The following LPCAT2 variants were observed in gnomAD, a reference collection of about 807,000 sequenced individuals.
The protein encoded by LPCAT2 is lysophosphatidylcholine acyltransferase 2.
In LPCAT2, 58 loss-of-function variants were observed where a neutral mutation model predicts 64.7. That is an observed-to-expected ratio of 0.90 (90% CI 0.73 to 1.12). The LOEUF is 1.12. LPCAT2 is among the 50% of genes most tolerant of loss of function. LPCAT2 has a pLI of 0.00. For missense variants in LPCAT2, 579 were observed against 669.8 expected, an observed-to-expected ratio of 0.86 and a Z score of 1.50; for synonymous variants, 252 against 245.3, an observed-to-expected ratio of 1.03 and a Z score of -0.26.
chr16:55,579,753 C>T lies in LPCAT2; in HGVS notation c.1450+509C>T, dbSNP rs114879718. The stretch of plus-strand genomic sequence containing the variant: ...GGCACCAACAATAATAGTAGCTAAA[C>T]GATTTATTGATGTTTACTATTAGTG... On this transcript the variant is annotated intron_variant, in intron 13 of 13. Transcript: ENST00000262134. Among the ~76,000 whole-genome samples, 651 of 152,252 alleles carry T rather than the reference C, an allele frequency of 4.3e-3. 2 individuals carry two copies. Among genetic ancestry groups the T allele is most frequent in the African/African-American group, 0.014 (601 of 41,556 alleles).
At chr16:55,531,684 T>G (rs1963254962) in intron 4 of LPCAT2, among the ~76,000 whole-genome samples, 2 of 152,210 alleles carry the variant, frequency 1.3e-5, no homozygotes, top group Non-Finnish European at 1.5e-5. Context: ...ATTTGTTAAG[T>G]ATATTCTTTA....
chr16:55,556,437 C>T (rs1963575296), intron 11 of LPCAT2, among the ~76,000 whole-genome samples: 2 of 152,050 alleles, frequency 1.3e-5, no homozygotes, highest in Non-Finnish European at 1.5e-5. Flanking sequence ...TAGAGCTTTC[C>T]CTGTCCTTCA....
chr16:55,564,938 T>C (rs1215415635), intron 11 of LPCAT2, among the ~76,000 whole-genome samples: 1 of 152,014 alleles, frequency 6.6e-6, no homozygotes, highest in Non-Finnish European at 1.5e-5. Context: ...TTACAAATTA[T>C]ATATCTGATA....
intron 1 of LPCAT2, among the ~76,000 whole-genome samples, chr16:55,521,804 G>A (rs1233399271): frequency 6.6e-6 from 1 of 151,504 alleles, no homozygotes; most frequent in African/African-American, 2.4e-5. Context: ...ACCCACTAGT[G>A]ATAAAAAAAG....
intron 11 of LPCAT2, among the ~76,000 whole-genome samples, chr16:55,559,980 A>G (rs145443804): frequency 1.3e-3 from 197 of 152,262 alleles, no homozygotes; most frequent in African/African-American, 4.6e-3. Context: ...TGAGAATTAT[A>G]TGCTTTACTT....
intron 10 of LPCAT2, among the ~76,000 whole-genome samples, chr16:55,549,697 T>A (rs1963493920): frequency 6.6e-6 from 1 of 152,216 alleles, no homozygotes; most frequent in Non-Finnish European, 1.5e-5. Flanking sequence ...GAGAAGTTAG[T>A]CCTGCCACCT....
intron 1 of LPCAT2, among the ~76,000 whole-genome samples, chr16:55,524,539 C>T (rs1963141579): frequency 6.6e-6 from 1 of 151,754 alleles, no homozygotes; most frequent in African/African-American, 2.4e-5. Context: ...CTGTACATTT[C>T]CTTGTGTTAC....
chr16:55,584,539 A>G lies in LPCAT2; in HGVS notation c.*1441A>G, dbSNP rs1393261. Reference sequence around the variant, plus strand: ...GAGGTTTTCAACAAAGAACCAATTTATTAATATAATGTACAAAAATAGTTG... The same window carrying G: ...GAGGTTTTCAACAAAGAACCAATTTGTTAATATAATGTACAAAAATAGTTG... On this transcript the variant is annotated 3_prime_UTR_variant, in exon 14 of 14. Transcript: ENST00000262134. 83,690 of 152,002 alleles carry G rather than the reference A, an allele frequency of 0.55. 23,402 individuals are homozygous for G. Among genetic ancestry groups the G allele is most frequent in the East Asian group, 0.74 (3,811 of 5,156 alleles). The allele number at this position is 152,002 out of a possible 1,614,324, so 9.4% of individuals were successfully genotyped here. A position where few individuals can be genotyped will look rare whatever the true frequency, so the allele number is the denominator to read the frequency against.
rs1254320115 is a variant in LPCAT2, at chr16:55,584,432, C to T, written c.*1334C>T. The T allele has an allele frequency of 1.3e-5, 2 of 152,122 alleles. No homozygotes were observed. Among genetic ancestry groups the T allele is most frequent in the African/African-American group, 2.4e-5 (1 of 41,438 alleles). 9.4% of individuals were successfully genotyped at this position (152,122 alleles called of 1,614,324 possible). On this transcript the variant is annotated 3_prime_UTR_variant, in exon 14 of 14. Coordinates refer to ENST00000262134, the MANE Select transcript of LPCAT2 (RefSeq NM_017839.5). The stretch of plus-strand genomic sequence containing the variant: ...GCAGGAATCCAACAGTAACATTTTT[C>T]CTTTAGGTTAAGCAGTAATTTTTTT...
intron 1 of LPCAT2, among the ~76,000 whole-genome samples, chr16:55,521,341 A>G (rs1412480698): frequency 6.6e-6 from 1 of 151,780 alleles, no homozygotes; most frequent in Non-Finnish European, 1.5e-5. Context: ...GTATCCACAC[A>G]TATACATTTA....
chr16:55,545,069 C>G lies in LPCAT2; in HGVS notation c.853-666C>G, dbSNP rs1306780383. On this transcript the variant is annotated intron_variant, in intron 8 of 13. Coordinates refer to ENST00000262134, the MANE Select transcript of LPCAT2 (RefSeq NM_017839.5). ...AAAATACGTAATAACTTGAATATGG[C>G]ACTAAAACCTTGTTAATGTCAGGAA... Among the ~76,000 whole-genome samples the G allele has an allele frequency of 3.9e-5, 6 of 152,142 alleles. No individual in the cohort carries two copies. In the East Asian group the frequency reaches 1.2e-3, roughly 29 times the overall value.
intron 11 of LPCAT2, among the ~76,000 whole-genome samples, chr16:55,562,018 T>C (rs1321064078): frequency 1.3e-5 from 2 of 152,048 alleles, no homozygotes; most frequent in Non-Finnish European, 2.9e-5. Context: ...TAGAATTACA[T>C]AATTTCCAAA....
intron 4 of LPCAT2, 135 bp from the exon 5 acceptor site, chr16:55,531,779 A>G (rs1447639865): frequency 8.0e-6 from 5 of 627,964 alleles, no homozygotes; most frequent in Non-Finnish European, 1.4e-5. Flanking sequence ...AGCTTTCATT[A>G]GAATCAAATG....
Position 55,576,447 on chromosome 16 carries a change from T to C in LPCAT2, c.1314+1718T>C, listed in dbSNP as rs561336111. On this transcript the variant is annotated intron_variant, in intron 12 of 13. Coordinates refer to ENST00000262134, the MANE Select transcript of LPCAT2 (RefSeq NM_017839.5). ...GATTCTTCATTTGCAAGCAATAAGATAGACTGACTGACTGACGCCAAAGTG... is the reference window on the plus strand; with the variant it reads ...GATTCTTCATTTGCAAGCAATAAGACAGACTGACTGACTGACGCCAAAGTG... Among the ~76,000 whole-genome samples the C allele has an allele frequency of 2.6e-5, 4 of 151,732 alleles. No homozygotes were observed. In the East Asian group the frequency reaches 7.7e-4, roughly 29 times the overall value.
At chr16:55,569,053 C>A (rs1963740557) in intron 11 of LPCAT2, among the ~76,000 whole-genome samples, 1 of 152,098 alleles carries the variant, frequency 6.6e-6, no homozygotes, top group African/African-American at 2.4e-5. Flanking sequence ...CCCGAGTTTG[C>A]AGATAAATTC....
At chr16:55,511,994 A>C (rs1229686443) in intron 1 of LPCAT2, among the ~76,000 whole-genome samples, 1 of 152,128 alleles carries the variant, frequency 6.6e-6, no homozygotes. Context: ...TCTCCACAGT[A>C]CTCTTCCCCA....
chr16:55,539,110 T>G (rs1963363270), intron 8 of LPCAT2: 1 of 152,136 alleles, frequency 6.6e-6, no homozygotes, highest in Non-Finnish European at 1.5e-5. Flanking sequence ...GCAACACATG[T>G]AGAAATGTAT....
chr16:55,560,863 A>G (rs187583), intron 11 of LPCAT2, among the ~76,000 whole-genome samples: 121,189 of 151,960 alleles, frequency 0.8, 51,453 homozygotes, highest in Non-Finnish European at 0.94. Context: ...ATACAATTCA[A>G]TAATTTTTTT....
chr16:55,551,216 G>A, intron 11 of LPCAT2, 114 bp downstream of exon 11: 1 of 897,676 alleles, frequency 1.1e-6, no homozygotes, highest in African/African-American at 1.7e-5. Context: ...AATCAAGGCT[G>A]AGCCTATGGT....
Sources: allele counts gnomAD v4.1 joint callset (sites outside exome capture counted in the v4.1 genomes callset), GRCh38; gene constraint gnomAD v4.1.1; transcripts MANE v1.5; gene names NCBI Gene and HGNC (gene_info 2026-07-23, HGNC 2026-07-21).